ANKRD30B: variants seen among roughly 807,000 people sequenced by gnomAD.
ANKRD30B encodes the protein ankyrin repeat domain 30B.
ANKRD30B carries 144 observed loss-of-function variants against 202.2 expected under a neutral mutation model. The observed-to-expected ratio is 0.71, with a 90% CI of 0.62 to 0.82. ANKRD30B has a LOEUF of 0.82. ANKRD30B is among the 40% of genes least tolerant of loss of function. The pLI is 0.00. For missense variants in ANKRD30B, 1,487 were observed against 1,669.1 expected, an observed-to-expected ratio of 0.89 and a Z score of 1.90; for synonymous variants, 508 against 561.3, an observed-to-expected ratio of 0.91 and a Z score of 1.34.
At chr18:14,852,507 T>C (rs964630687) in intron 42 of ANKRD30B, 87 bp downstream of exon 42, 1 of 1,399,624 alleles carries the variant, frequency 7.1e-7, no homozygotes, top group South Asian at 1.8e-5. Flanking sequence ...AATATATATA[T>C]ATATAAATAG....
intron 39 of ANKRD30B, among the ~76,000 whole-genome samples, chr18:14,845,717 AC>A (rs1237654547): frequency 2.0e-5 from 3 of 152,082 alleles, no homozygotes; most frequent in Non-Finnish European, 2.9e-5. Context: ...GAGCTTATCA[AC>A]AACATAAATT....
chr18:14,825,563 A>G (rs556315011), intron 32 of ANKRD30B, among the ~76,000 whole-genome samples: 4 of 151,690 alleles, frequency 2.6e-5, no homozygotes, highest in African/African-American at 7.3e-5. Context: ...ATTGCTACCA[A>G]CTCAAAGTAA....
intron 14 of ANKRD30B, among the ~76,000 whole-genome samples, chr18:14,785,810 G>A (rs1429017996): frequency 2.6e-5 from 4 of 152,054 alleles, no homozygotes; most frequent in South Asian, 2.1e-4. Flanking sequence ...AGGCCGAGGC[G>A]GGTGGATCAT....
At chr18:14,776,684 T>G (rs1039264844) in intron 9 of ANKRD30B, among the ~76,000 whole-genome samples, 1 of 152,210 alleles carries the variant, frequency 6.6e-6, no homozygotes, top group African/African-American at 2.4e-5. Context: ...CACGAACACG[T>G]TTTTATTTTT....
the ANKRD30B span, among the ~76,000 whole-genome samples, chr18:14,911,986 A>G: frequency 2.6e-5 from 4 of 152,326 alleles, no homozygotes; most frequent in Admixed American, 6.5e-5. Context: ...ATGAAATGTT[A>G]CAGAATTCAT....
At chr18:14,825,497 C>T (rs191597457) in intron 32 of ANKRD30B, among the ~76,000 whole-genome samples, 10 of 151,922 alleles carry the variant, frequency 6.6e-5, no homozygotes, top group African/African-American at 2.4e-4. Flanking sequence ...CTTAGGACCA[C>T]GTGAGTAAAC....
In ANKRD30B at chr18:14,748,577, A is replaced by G; in HGVS notation, c.158A>G (p.Lys53Arg). The change falls in exon 1 of 44, where the codon AAG (lysine) becomes AGG (arginine). Residue 53 changes from lysine to arginine, a missense_variant. Around this residue, in one of 6 missense-constraint regions of ANKRD30B, gnomAD observed 889 missense variants for 841.4 expected, o/e 1.06. Transcript: ENST00000690538. ...HTAASRGQVQKLEKMTVGKKP... is the reference protein window; with the variant it reads ...HTAASRGQVQRLEKMTVGKKP... ...GCTGCCTCCCGGGGCCAAGTCCAGA[A>G]GCTGGAGAAGATGACAGTAGGGAAG... The G allele has an allele frequency of 6.4e-7, 1 of 1,563,930 alleles. No homozygotes were observed. Among genetic ancestry groups the G allele is most frequent in the Non-Finnish European group, 8.7e-7 (1 of 1,153,832 alleles).
At chr18:14,827,049 G>A (rs1438026539) in intron 32 of ANKRD30B, among the ~76,000 whole-genome samples, 1 of 152,150 alleles carries the variant, frequency 6.6e-6, no homozygotes, top group Non-Finnish European at 1.5e-5. Flanking sequence ...GAAGTCAGAT[G>A]AATGAGGTAG....
At chr18:14,852,520 G>A in intron 42 of ANKRD30B, 100 bp downstream of exon 42, 1 of 1,354,514 alleles carries the variant, frequency 7.4e-7, no homozygotes, top group Non-Finnish European at 9.6e-7. Flanking sequence ...ATAAATAGAT[G>A]ATAAATGTAC....
the ANKRD30B span, among the ~76,000 whole-genome samples, chr18:14,919,497 G>A: frequency 2.0e-5 from 3 of 152,140 alleles, no homozygotes; most frequent in East Asian, 5.8e-4. Flanking sequence ...TAAGGTGGGA[G>A]GAGCTCCCAT....
chr18:14,773,355 T>C (rs1490559763), intron 9 of ANKRD30B, among the ~76,000 whole-genome samples: 1 of 95,458 alleles, frequency 1.0e-5, no homozygotes, highest in Non-Finnish European at 2.2e-5. Context: ...GTCTTGCCTA[T>C]AAAAAGATTT....
At chr18:14,920,374 C>T in the ANKRD30B span, among the ~76,000 whole-genome samples, 1 of 152,180 alleles carries the variant, frequency 6.6e-6, no homozygotes, top group Non-Finnish European at 1.5e-5. Context: ...TTTAACTGCA[C>T]CCTGTAACTT....
chr18:14,752,968 G>T lies in ANKRD30B; in HGVS notation c.466G>T (p.Ala156Ser). ...TTATAGTGAGAATTTGTTAATGGTG[G>T]CAACACTGCTGTCCTATGGTGCAGT... Reference protein sequence around the residue: ...AVYSENLLMVATLLSYGAVIE... With the variant: ...AVYSENLLMVSTLLSYGAVIE... Residue 156 changes from alanine to serine, a missense_variant, in exon 3 of 44, where the codon GCA (alanine) becomes TCA (serine). Around this residue, in one of 6 missense-constraint regions of ANKRD30B, gnomAD observed 889 missense variants for 841.4 expected, o/e 1.06. Transcript: ENST00000690538. 1 of 1,603,270 alleles carries T rather than the reference G, an allele frequency of 6.2e-7. No homozygotes were observed. Among genetic ancestry groups the T allele is most frequent in the Admixed American group, 1.7e-5 (1 of 58,890 alleles).
downstream of ANKRD30B, among the ~76,000 whole-genome samples, chr18:14,859,059 A>G (rs1192703665): frequency 8.3e-6 from 1 of 120,610 alleles, no homozygotes; most frequent in South Asian, 2.7e-4. Flanking sequence ...CGCCTCCCAC[A>G]TGGGGTGGCC....
chr18:14,888,755 T>G, the ANKRD30B span: 1 of 1,066,868 alleles, frequency 9.4e-7, no homozygotes, highest in Non-Finnish European at 1.4e-6. Flanking sequence ...TTTCTTCATT[T>G]TTTTTCCTCT....
intron 15 of ANKRD30B, 40 bp downstream of exon 15, chr18:14,787,140 A>G (rs776485800): frequency 1.3e-6 from 2 of 1,540,942 alleles, no homozygotes; most frequent in African/African-American, 1.4e-5. Flanking sequence ...TTAGTATTGC[A>G]TGAGATGAAA....
chr18:14,784,218 TA>T, intron 12 of ANKRD30B, 117 bp from the exon 13 acceptor site: 1 of 1,041,152 alleles, frequency 9.6e-7, no homozygotes, highest in Non-Finnish European at 1.4e-6. Flanking sequence ...TTCCCAAATC[TA>T]AACTATTCAT....
At chr18:14,816,417 A>T (rs1970106702) in intron 30 of ANKRD30B, 1 of 152,094 alleles carries the variant, frequency 6.6e-6, no homozygotes, top group African/African-American at 2.4e-5. Context: ...AGGCAGAGGC[A>T]TGCGGATCAC....
chr18:14,837,865 AT>A (rs1409158739), intron 36 of ANKRD30B, among the ~76,000 whole-genome samples, 189 bp downstream of exon 36: 2 of 152,078 alleles, frequency 1.3e-5, no homozygotes, highest in African/African-American at 4.8e-5. Flanking sequence ...AATACAAAAA[AT>A]TTAGCTGGGC....
Sources: gnomAD v4.1 joint callset for allele counts (sites outside exome capture counted in the v4.1 genomes callset) on GRCh38, gnomAD v4.1.1 for gene constraint, gnomAD v4.1.1 regional missense constraint, MANE v1.5 for transcripts, NCBI Gene and HGNC (gene_info 2026-07-23, HGNC 2026-07-21) for gene names.